Variants in GALNT10 observed in about 807,000 individuals in gnomAD.
The protein encoded by GALNT10 is polypeptide N-acetylgalactosaminyltransferase 10, also known as GalNAc transferase 10.
Under a neutral mutation model 75.0 loss-of-function variants are expected in GALNT10, and 41 were observed. The ratio of observed to expected loss-of-function variants is 0.55; its 90% CI spans 0.43 to 0.71. GALNT10 has a LOEUF of 0.71. Ranked by LOEUF, GALNT10 falls within the 30% of genes least tolerant of loss-of-function variation. GALNT10 has a pLI of 0.00. For synonymous variants in GALNT10, 302 were observed against 313.0 expected (o/e 0.96, Z 0.37); for missense variants, 727 against 818.5 (o/e 0.89, Z 1.36).
chr5:154,239,809 TA>T (rs1487179640), intron 1 of GALNT10, among the ~76,000 whole-genome samples: 1 of 152,228 alleles, frequency 6.6e-6, no homozygotes, highest in Admixed American at 6.5e-5. Flanking sequence ...GGCCTTGTAG[TA>T]ATAGATATCT....
chr5:154,400,751 A>G (rs553513698), intron 7 of GALNT10, among the ~76,000 whole-genome samples: 1 of 152,178 alleles, frequency 6.6e-6, no homozygotes, highest in African/African-American at 2.4e-5. Flanking sequence ...AAGGATGAGT[A>G]TGAGGTAGCC....
chr5:154,372,581 C>T (rs1284795760), intron 4 of GALNT10, among the ~76,000 whole-genome samples: 1 of 152,176 alleles, frequency 6.6e-6, no homozygotes, highest in Non-Finnish European at 1.5e-5. Flanking sequence ...AGGAAGAGTG[C>T]CTGTGACAGG....
At chr5:154,330,941 G>GTGTGTGTGTT (rs1754853310) in intron 4 of GALNT10, among the ~76,000 whole-genome samples, 1 of 110,918 alleles carries the variant, frequency 9.0e-6, no homozygotes, top group Non-Finnish European at 2.1e-5. Context: ...GTGTGTGTTT[G>GTGTGTGTGTT]TGTGTGTGTA....
intron 1 of GALNT10, among the ~76,000 whole-genome samples, chr5:154,270,392 A>C (rs895184812): frequency 5.9e-5 from 9 of 151,546 alleles, no homozygotes; most frequent in African/African-American, 1.9e-4. Context: ...CTTAAGAACA[A>C]GGGCAGGGCC....
intron 2 of GALNT10, among the ~76,000 whole-genome samples, chr5:154,296,631 G>A (rs1026023653): frequency 2.6e-5 from 4 of 152,046 alleles, no homozygotes; most frequent in Non-Finnish European, 2.9e-5. Context: ...AATACAAAGG[G>A]CAAAATCTTC....
chr5:154,204,357 C>T (rs1775073696), intron 1 of GALNT10, among the ~76,000 whole-genome samples: 1 of 152,366 alleles, frequency 6.6e-6, no homozygotes. Flanking sequence ...ATTCCTGCCA[C>T]AGCCTCCTGG....
intron 5 of GALNT10, among the ~76,000 whole-genome samples, chr5:154,380,202 G>T (rs1469350292): frequency 6.6e-6 from 1 of 152,150 alleles, no homozygotes; most frequent in Non-Finnish European, 1.5e-5. Flanking sequence ...CCATTGCATA[G>T]AGGAGAACAC....
At chr5:154,231,014 G>A (rs1023946639) in intron 1 of GALNT10, among the ~76,000 whole-genome samples, 4 of 152,216 alleles carry the variant, frequency 2.6e-5, no homozygotes, top group African/African-American at 7.2e-5. Context: ...TTCTGAGGAC[G>A]CCACGAACCA....
At chr5:154,321,512 A>G (rs1754673883) in intron 3 of GALNT10, among the ~76,000 whole-genome samples, 1 of 151,830 alleles carries the variant, frequency 6.6e-6, no homozygotes, top group African/African-American at 2.4e-5. Context: ...ATTTTTGTAG[A>G]TGAGGTCTCA....
chr5:154,301,833 G>T (rs1379188919), intron 3 of GALNT10, among the ~76,000 whole-genome samples: 1 of 152,168 alleles, frequency 6.6e-6, no homozygotes, highest in African/African-American at 2.4e-5. Flanking sequence ...GCATCAATAA[G>T]CTGTGGAACT....
At chr5:154,338,044 A>T in intron 4 of GALNT10, 2 of 1,392,740 alleles carry the variant, frequency 1.4e-6, no homozygotes, top group Admixed American at 3.4e-5. Context: ...TCATTTTTCC[A>T]TACTGTTCAA....
intron 4 of GALNT10, among the ~76,000 whole-genome samples, chr5:154,332,229 G>A (rs1339318568): frequency 6.6e-6 from 1 of 152,160 alleles, no homozygotes; most frequent in African/African-American, 2.4e-5. Context: ...TCCACCACCT[G>A]GGGACAAACA....
chr5:154,379,475 G>C (rs1021446801), intron 5 of GALNT10, among the ~76,000 whole-genome samples: 2 of 152,230 alleles, frequency 1.3e-5, no homozygotes, highest in Non-Finnish European at 2.9e-5. Context: ...GCCCTACCAG[G>C]CTCCCATTTC....
chr5:154,253,165 A>G (rs926093366), intron 1 of GALNT10, among the ~76,000 whole-genome samples: 2 of 151,470 alleles, frequency 1.3e-5, no homozygotes, highest in African/African-American at 2.4e-5. Flanking sequence ...AATTTTGAAA[A>G]CATAGGTTGC....
At chr5:154,371,822 C>T (rs372629143) in intron 4 of GALNT10, among the ~76,000 whole-genome samples, 4 of 152,158 alleles carry the variant, frequency 2.6e-5, no homozygotes, top group African/African-American at 7.2e-5. Flanking sequence ...GCCTGCCCAA[C>T]ACTGAGATAA....
intron 1 of GALNT10, among the ~76,000 whole-genome samples, chr5:154,271,631 A>C (rs987035809): frequency 6.6e-6 from 1 of 152,184 alleles, no homozygotes; most frequent in African/African-American, 2.4e-5. Flanking sequence ...AGAAGTCATT[A>C]TGTCTATAAA....
At chr5:154,286,293 A>G (rs1480377652) in intron 1 of GALNT10, among the ~76,000 whole-genome samples, 1 of 152,072 alleles carries the variant, frequency 6.6e-6, no homozygotes, top group African/African-American at 2.4e-5. Flanking sequence ...ACTTAAGTTG[A>G]TGGACAGATG....
chr5:154,305,438 C>T (rs1255743577), intron 3 of GALNT10, among the ~76,000 whole-genome samples: 1 of 151,974 alleles, frequency 6.6e-6, no homozygotes, highest in East Asian at 1.9e-4. Flanking sequence ...GATAAGAAAA[C>T]AAGATTCAAA....
At chr5:154,243,813 C>T (rs1459427952) in intron 1 of GALNT10, among the ~76,000 whole-genome samples, 2 of 152,202 alleles carry the variant, frequency 1.3e-5, no homozygotes, top group Non-Finnish European at 2.9e-5. Context: ...CTGGTCTTAA[C>T]ACTCAGAATT....
Sources: allele counts gnomAD v4.1 joint callset (sites outside exome capture counted in the v4.1 genomes callset), GRCh38; gene constraint gnomAD v4.1.1; transcripts MANE v1.5; gene names NCBI Gene and HGNC (gene_info 2026-07-23, HGNC 2026-07-21).